TKT: variants seen among roughly 807,000 people sequenced by gnomAD.
TKT encodes transketolase.
TKT carries 47 observed loss-of-function variants against 63.9 expected under a neutral mutation model. The ratio of observed to expected loss-of-function variants is 0.74; its 90% CI spans 0.58 to 0.94. The LOEUF (loss-of-function observed/expected upper bound fraction) is 0.94. TKT is among the 40% of genes least tolerant of loss of function. The probability of loss-of-function intolerance (pLI) is 0.00; values close to 1 mark genes in which losing one functional copy is unlikely to be tolerated. For missense variants in TKT, 721 were observed against 846.2 expected, an observed-to-expected ratio of 0.85 and a Z score of 1.84; for synonymous variants, 338 against 334.1, an observed-to-expected ratio of 1.01 and a Z score of -0.13.
At position 53,255,904 on chromosome 3, in the gene TKT, C is replaced by T. The variant is rs200668198; in HGVS notation, c.39G>A (p.Gln13=). Residue 13 remains glutamine (Q), a synonymous_variant, in exon 1 of 14, where the codon CAG becomes CAA. Coordinates refer to ENST00000462138, the MANE Select transcript of TKT (RefSeq NM_001064.4). ...GGCGGTTGGCCGTGTCCTTCAAGGC[C>T]TGCAGCTTCTGCTGGTCAGGCTTGT... The part of the protein sequence containing the change: ...SYHKPDQQKL[Q]ALKDTANRLR... 18 of 1,547,458 alleles carry T rather than the reference C, an allele frequency of 1.2e-5. No homozygotes were observed. The highest frequency in any genetic ancestry group is 1.7e-6 in the Non-Finnish European group (2 of 1,147,114).
chr3:53,228,833 A>C, intron 10 of TKT, 174 bp downstream of exon 10: 1 of 878,966 alleles, frequency 1.1e-6, no homozygotes, highest in Non-Finnish European at 1.8e-6. Flanking sequence ...ACGTGGCAGT[A>C]AGTGGGGTGT....
intron 4 of TKT, among the ~76,000 whole-genome samples, chr3:53,237,495 TACACACACACACACACACACACACAC>T (rs3075727): frequency 2.1e-5 from 3 of 144,792 alleles, no homozygotes; most frequent in African/African-American, 5.1e-5. Context: ...TTTTATATTA[TACACACACACACACACACACACACAC>T]ACACACACAC....
At position 53,231,477 on chromosome 3, in the gene TKT, G is replaced by C; in HGVS notation, c.822C>G (p.Ile274Met). Reference sequence around the variant, plus strand: ...TCTTTTTGCTCTGGATCTGGCTGTAGATCTCCTGGATGATCTGCTCAGCCA... The same window carrying C: ...TCTTTTTGCTCTGGATCTGGCTGTACATCTCCTGGATGATCTGCTCAGCCA... ...KNMAEQIIQE[I>M]YSQIQSKKKI... is the part of the protein sequence containing the mutation. Residue 274 changes from isoleucine (I) to methionine (M), a missense_variant, in exon 7 of 14, where the codon ATC becomes ATG. Ile to Met is a conservative substitution (Grantham distance 10). Transcript: ENST00000462138. 1 of 1,614,176 alleles carries C rather than the reference G, an allele frequency of 6.2e-7. No homozygotes were observed. Among genetic ancestry groups the C allele is most frequent in the Non-Finnish European group, 8.5e-7 (1 of 1,180,030 alleles).
chr3:53,232,944 C>T, intron 6 of TKT: 3 of 544,688 alleles, frequency 5.5e-6, no homozygotes, highest in Non-Finnish European at 9.8e-6. Context: ...CCTGTACATG[C>T]CCCCACCGGC....
At chr3:53,232,850 C>T (rs2106676921) in intron 6 of TKT, 2 of 419,456 alleles carry the variant, frequency 4.8e-6, no homozygotes, top group Middle Eastern at 1.2e-3. Flanking sequence ...CTGAAAGGCA[C>T]CAGCCAGGGT....
At chr3:53,244,566 G>C (rs1251121880) in intron 1 of TKT, among the ~76,000 whole-genome samples, 1 of 152,206 alleles carries the variant, frequency 6.6e-6, no homozygotes, top group Non-Finnish European at 1.5e-5. Flanking sequence ...AATACACCAA[G>C]GATTGAGACC....
chr3:53,247,885 C>T (rs1383612901), intron 1 of TKT, among the ~76,000 whole-genome samples: 1 of 152,124 alleles, frequency 6.6e-6, no homozygotes, highest in African/African-American at 2.4e-5. Flanking sequence ...TGCTTGCCAC[C>T]TGACATTAGG....
At chr3:53,240,529 C>G (rs1705229066) in intron 3 of TKT, among the ~76,000 whole-genome samples, 181 bp from the exon 4 acceptor site, 1 of 152,218 alleles carries the variant, frequency 6.6e-6, no homozygotes, top group Admixed American at 6.5e-5. Flanking sequence ...ATTATAGGTT[C>G]AAATCCCAGC....
In TKT at chr3:53,225,873, G is replaced by A. The variant is rs1553675365; in HGVS notation, c.1755C>T (p.Thr585=). The change falls in exon 14 of 14, where the codon ACC becomes ACT. Residue 585 remains threonine, a synonymous_variant. Transcript: ENST00000462138. Reference sequence around the variant, plus strand: ...TTGGTACCCGGTTAACTGCCAGGTGGGTGACAGTGATGCCAGGCTCGCCCA... The same window carrying A: ...TTGGTACCCGGTTAACTGCCAGGTGAGTGACAGTGATGCCAGGCTCGCCCA... The part of the protein sequence containing the change: ...AVVGEPGITV[T]HLAVNRVPRS... 6.2e-7 allele frequency: 1 copy of A among 1,614,054 alleles called. No homozygotes were observed. Among genetic ancestry groups the A allele is most frequent in the East Asian group, 2.2e-5 (1 of 44,870 alleles).
intron 1 of TKT, among the ~76,000 whole-genome samples, chr3:53,245,015 C>T (rs1239221048): frequency 6.6e-6 from 1 of 152,010 alleles, no homozygotes; most frequent in Admixed American, 6.6e-5. Flanking sequence ...TCTTAAAGCC[C>T]CCTCCAGGCT....
intron 1 of TKT, among the ~76,000 whole-genome samples, chr3:53,247,069 T>C (rs1705540397): frequency 6.6e-6 from 1 of 151,244 alleles, no homozygotes; most frequent in Non-Finnish European, 1.5e-5. Context: ...TATACTTTTT[T>C]TTTTTTAAAT....
intron 1 of TKT, among the ~76,000 whole-genome samples, chr3:53,250,545 T>G (rs1483305734): frequency 6.6e-6 from 1 of 152,044 alleles, no homozygotes; most frequent in Non-Finnish European, 1.5e-5. Flanking sequence ...CTGAGGCAGG[T>G]GGATCGCTTA....
intron 1 of TKT, among the ~76,000 whole-genome samples, chr3:53,247,998 CTG>C (rs1705590192): frequency 6.6e-6 from 1 of 152,206 alleles, no homozygotes; most frequent in Non-Finnish European, 1.5e-5. Flanking sequence ...CAGGCACAAA[CTG>C]AGTGCACAAA....
chr3:53,239,434 A>G (rs1705175901), intron 4 of TKT, among the ~76,000 whole-genome samples: 1 of 151,978 alleles, frequency 6.6e-6, no homozygotes, highest in Non-Finnish European at 1.5e-5. Context: ...TCAGCCTCCT[A>G]TGTAGCTGGG....
At chr3:53,226,953 G>GAC in intron 12 of TKT, 75 bp from the exon 13 acceptor site, 1 of 1,526,244 alleles carries the variant, frequency 6.6e-7, no homozygotes, top group Non-Finnish European at 8.8e-7. Context: ...GGCCTGGTGG[G>GAC]ACATCCTGAG....
intron 1 of TKT, among the ~76,000 whole-genome samples, chr3:53,252,634 A>C (rs1039578544): frequency 1.3e-5 from 2 of 152,168 alleles, no homozygotes; most frequent in African/African-American, 4.8e-5. Flanking sequence ...CGGAGGGGTA[A>C]CGGCGGTGAG....
chr3:53,247,363 A>AAG (rs374365578), intron 1 of TKT, among the ~76,000 whole-genome samples: 5 of 149,410 alleles, frequency 3.3e-5, no homozygotes, highest in Non-Finnish European at 7.4e-5. Context: ...GCCTCAAAAA[A>AAG]AAAAAAAAAA....
At chr3:53,239,804 C>A (rs1457882813) in intron 4 of TKT, among the ~76,000 whole-genome samples, 1 of 152,230 alleles carries the variant, frequency 6.6e-6, no homozygotes, top group African/African-American at 2.4e-5. Flanking sequence ...TCAGAACATA[C>A]AACCCTCCCC....
chr3:53,228,724 C>G (rs1472648870), intron 10 of TKT: 1 of 533,758 alleles, frequency 1.9e-6, no homozygotes, highest in African/African-American at 1.9e-5. Flanking sequence ...TCTTGGAGAA[C>G]CCAACTCAGG....
Sources: gnomAD v4.1 joint callset for allele counts (sites outside exome capture counted in the v4.1 genomes callset) on GRCh38, gnomAD v4.1.1 for gene constraint, MANE v1.5 for transcripts, NCBI Gene and HGNC (gene_info 2026-07-23, HGNC 2026-07-21) for gene names.